FBN2: variants seen among roughly 807,000 people sequenced by gnomAD.
FBN2 encodes fibrillin 2.
A neutral mutation model predicts 355.6 loss-of-function variants in FBN2; 105 were observed. The ratio of observed to expected loss-of-function variants is 0.30; its 90% confidence interval spans 0.25 to 0.35. FBN2 has a LOEUF of 0.35. Among genes scored for constraint, FBN2 ranks in the 10% least tolerant of loss-of-function variants. The pLI, the probability that FBN2 is intolerant of heterozygous loss-of-function variation, is 1.00. For missense variants in FBN2, 3,280 were observed against 3,758.7 expected (o/e 0.87, Z 3.33); for synonymous variants, 1,350 against 1,301.2 (o/e 1.04, Z -0.81).
At chr5:128,340,969 G>A (rs1023048773) in intron 25 of FBN2, among the ~76,000 whole-genome samples, 3 of 152,132 alleles carry the variant, frequency 2.0e-5, no homozygotes, top group South Asian at 2.1e-4. Flanking sequence ...GAAGCGCACC[G>A]GTGAAGAGAA....
intron 5 of FBN2, among the ~76,000 whole-genome samples, chr5:128,511,045 GTATT>G (rs1756115289): frequency 6.6e-6 from 1 of 152,012 alleles, no homozygotes; most frequent in African/African-American, 2.4e-5. Flanking sequence ...TTCCTCTAAA[GTATT>G]TATCATAGTA....
intron 34 of FBN2, among the ~76,000 whole-genome samples, chr5:128,327,362 G>A (rs1430393914): frequency 6.6e-6 from 1 of 152,064 alleles, no homozygotes; most frequent in Non-Finnish European, 1.5e-5. Context: ...ACTTCTGATG[G>A]TGGAGCAGAG....
chr5:128,423,220 G>C (rs1487858898), intron 7 of FBN2, among the ~76,000 whole-genome samples: 1 of 152,016 alleles, frequency 6.6e-6, no homozygotes, highest in East Asian at 1.9e-4. Context: ...CAGGTAGAAG[G>C]AAGAGCATTC....
chr5:128,334,636 G>C, intron 31 of FBN2, 83 bp downstream of exon 31: 1 of 1,441,490 alleles, frequency 6.9e-7, no homozygotes. Flanking sequence ...CGCTCTAAGA[G>C]ATGCCAGAGA....
chr5:128,358,478 TA>T (rs1581239288), intron 19 of FBN2, among the ~76,000 whole-genome samples: 1 of 152,122 alleles, frequency 6.6e-6, no homozygotes, highest in East Asian at 1.9e-4. Context: ...AACAAATAAC[TA>T]GAGGACTTTA....
intron 5 of FBN2, 67 bp downstream of exon 5, chr5:128,519,205 CA>C (rs1756364303): frequency 2.8e-5 from 31 of 1,096,906 alleles, no homozygotes; most frequent in Non-Finnish European, 3.9e-5. Flanking sequence ...CATTGAATAG[CA>C]AAAAATTATA....
chr5:128,518,767 A>G (rs1019787086), intron 5 of FBN2, among the ~76,000 whole-genome samples: 1 of 152,120 alleles, frequency 6.6e-6, no homozygotes, highest in Admixed American at 6.5e-5. Flanking sequence ...GTGAAACATA[A>G]AGGAGGGCAG....
intron 7 of FBN2, among the ~76,000 whole-genome samples, chr5:128,425,402 G>T (rs1753459047): frequency 6.6e-6 from 1 of 152,088 alleles, no homozygotes; most frequent in African/African-American, 2.4e-5. Context: ...CAATGCAAAA[G>T]TCAGGAAATT....
chr5:128,260,616 C>A (rs1004306414), intron 64 of FBN2, among the ~76,000 whole-genome samples: 3 of 152,232 alleles, frequency 2.0e-5, no homozygotes, highest in Non-Finnish European at 4.4e-5. Flanking sequence ...ATAAGCAGAA[C>A]TTCTGGATTT....
In FBN2 at chr5:128,297,203, T is replaced by C. The variant is rs557877487; in HGVS notation, c.6166+3614A>G. Among the ~76,000 whole-genome samples the C allele has an allele frequency of 3.2e-4, 48 of 152,262 alleles. No homozygotes were observed. The South Asian group carries it at 9.3e-3, about 30-fold the overall frequency. On this transcript the variant is annotated intron_variant, in intron 48 of 64. Transcript: ENST00000262464. Reference sequence around the variant, plus strand: ...TTTGATTGCACTGTGGTCTGAGAGATAGTTTGTTATAATTTCTGTTCTTTT... The same window carrying C: ...TTTGATTGCACTGTGGTCTGAGAGACAGTTTGTTATAATTTCTGTTCTTTT...
At chr5:128,431,514 A>T (rs181500577) in intron 7 of FBN2, among the ~76,000 whole-genome samples, 1 of 152,310 alleles carries the variant, frequency 6.6e-6, no homozygotes, top group Admixed American at 6.5e-5. Flanking sequence ...ACAACAGCAA[A>T]ACCAGCACAA....
intron 7 of FBN2, among the ~76,000 whole-genome samples, chr5:128,419,137 G>C (rs1753279959): frequency 6.6e-6 from 1 of 152,102 alleles, no homozygotes; most frequent in South Asian, 2.1e-4. Context: ...TTGTACAATT[G>C]CAACTTTGCT....
rs77546129 is a variant in FBN2, at chr5:128,341,361, A to G, written c.3344-2300T>C. The stretch of plus-strand genomic sequence containing the variant: ...TGGTTAACCTGGGTTGTGGCAGTGA[A>G]GGATTTGACCGTGGGAACTTAACAG... On this transcript the variant is annotated intron_variant, in intron 25 of 64. Transcript: ENST00000262464. Among the ~76,000 whole-genome samples the G allele has an allele frequency of 3.3e-3, 509 of 152,284 alleles. 2 individuals carry two copies. The highest frequency in any genetic ancestry group is 0.012 in the African/African-American group (482 of 41,570).
At chr5:128,451,772 G>A (rs1754255160) in intron 6 of FBN2, among the ~76,000 whole-genome samples, 1 of 152,116 alleles carries the variant, frequency 6.6e-6, no homozygotes, top group South Asian at 2.1e-4. Context: ...CTAGAAACTT[G>A]TTTTCCTGGC....
intron 18 of FBN2, among the ~76,000 whole-genome samples, chr5:128,363,266 C>T (rs1581242229): frequency 6.6e-6 from 1 of 152,118 alleles, no homozygotes; most frequent in East Asian, 1.9e-4. Flanking sequence ...TCTCCGCTCA[C>T]TGCAGCCTCC....
intron 6 of FBN2, among the ~76,000 whole-genome samples, chr5:128,460,583 C>A (rs1754531015): frequency 6.6e-6 from 1 of 152,174 alleles, no homozygotes; most frequent in South Asian, 2.1e-4. Flanking sequence ...AAGCTGGATG[C>A]ATCACGCTAC....
chr5:128,530,714 A>C, intron 2 of FBN2, 21 bp from the exon 3 acceptor site: 1 of 1,402,866 alleles, frequency 7.1e-7, no homozygotes, highest in Non-Finnish European at 1.0e-6. Flanking sequence ...CACAATAGGA[A>C]AATGAATGAA....
intron 11 of FBN2, among the ~76,000 whole-genome samples, chr5:128,382,864 G>A (rs150925634): frequency 6.5e-4 from 99 of 152,062 alleles, no homozygotes; most frequent in East Asian, 4.1e-3. Context: ...ACTAGCTGGC[G>A]TTTTTGTTCC....
intron 55 of FBN2, among the ~76,000 whole-genome samples, chr5:128,283,283 T>C (rs1749032473): frequency 6.6e-6 from 1 of 152,242 alleles, no homozygotes; most frequent in African/African-American, 2.4e-5. Flanking sequence ...GCCACATGTA[T>C]TGATTCACTT....
Sources: allele counts gnomAD v4.1 joint callset (sites outside exome capture counted in the v4.1 genomes callset), GRCh38; gene constraint gnomAD v4.1.1; transcripts MANE v1.5; gene names NCBI Gene and HGNC (gene_info 2026-07-23, HGNC 2026-07-21).